The following AFG2A variants were observed in gnomAD, a reference collection of about 807,000 sequenced individuals.
The protein encoded by AFG2A is AAA ATPase AFG2A.
the AFG2A span, among the ~76,000 whole-genome samples, chr4:122,926,134 T>A: frequency 6.6e-6 from 1 of 152,206 alleles, no homozygotes; most frequent in Admixed American, 6.5e-5. Context: ...TGGCTGGGAA[T>A]TTGAACATGA....
At chr4:123,317,487 G>A in the AFG2A span, 2 of 152,206 alleles carry the variant, frequency 1.3e-5, no homozygotes. Context: ...GATGTGATGG[G>A]TGGGGCCTCA....
chr4:122,977,244 A>G, the AFG2A span, among the ~76,000 whole-genome samples: 3 of 152,232 alleles, frequency 2.0e-5, no homozygotes, highest in Admixed American at 1.3e-4. Context: ...CACTTGGTCC[A>G]GCAGGCTGTA....
the AFG2A span, chr4:123,315,183 A>C: frequency 1.3e-5 from 1 of 76,600 alleles, no homozygotes; most frequent in African/African-American, 3.1e-5. Flanking sequence ...GCCAAATTGT[A>C]CTTTTTTTTT....
the AFG2A span, chr4:123,256,166 T>C: frequency 6.2e-7 from 1 of 1,614,082 alleles, no homozygotes; most frequent in Admixed American, 1.7e-5. Flanking sequence ...AACCGACGCA[T>C]ACTCAGGAGC....
chr4:122,998,557 C>T, the AFG2A span, among the ~76,000 whole-genome samples: 9 of 151,684 alleles, frequency 5.9e-5, no homozygotes, highest in African/African-American at 1.7e-4. Flanking sequence ...TGAGAACATG[C>T]GGTGTTTGGT....
the AFG2A span, among the ~76,000 whole-genome samples, chr4:122,999,321 C>G: frequency 6.6e-6 from 1 of 152,132 alleles, no homozygotes; most frequent in African/African-American, 2.4e-5. Flanking sequence ...AATTAGATCC[C>G]ATTTGTCAAT....
the AFG2A span, among the ~76,000 whole-genome samples, chr4:123,174,721 A>G: frequency 6.6e-6 from 1 of 152,084 alleles, no homozygotes; most frequent in Non-Finnish European, 1.5e-5. Context: ...CACATCACAT[A>G]CCATGTGAAC....
At chr4:122,968,741 A>G in the AFG2A span, among the ~76,000 whole-genome samples, 1 of 152,178 alleles carries the variant, frequency 6.6e-6, no homozygotes, top group Non-Finnish European at 1.5e-5. Flanking sequence ...AATACTGCCA[A>G]AACGTTTTTG....
chr4:123,164,682 C>T, the AFG2A span, among the ~76,000 whole-genome samples: 43 of 152,158 alleles, frequency 2.8e-4, no homozygotes, highest in African/African-American at 1.0e-3. Context: ...TAATTGAAGT[C>T]TCTATGCCAA....
chr4:123,291,376 A>G, the AFG2A span, among the ~76,000 whole-genome samples: 1 of 152,052 alleles, frequency 6.6e-6, no homozygotes, highest in South Asian at 2.1e-4. Context: ...ATTGTTATCT[A>G]GTTGTTTTGT....
the AFG2A span, among the ~76,000 whole-genome samples, chr4:123,053,677 A>G: frequency 1.3e-5 from 2 of 152,102 alleles, no homozygotes; most frequent in East Asian, 1.9e-4. Context: ...AGGTCCGTAC[A>G]TAGATGGGAT....
chr4:123,111,302 A>AT, the AFG2A span, among the ~76,000 whole-genome samples: 1 of 152,102 alleles, frequency 6.6e-6, no homozygotes, highest in Non-Finnish European at 1.5e-5. Context: ...AGAGTTTTAT[A>AT]TTTTCTGAGT....
At chr4:123,219,732 G>A in the AFG2A span, among the ~76,000 whole-genome samples, 1 of 152,036 alleles carries the variant, frequency 6.6e-6, no homozygotes, top group African/African-American at 2.4e-5. Context: ...AATTTTACTT[G>A]TGCATGTGTA....
the AFG2A span, among the ~76,000 whole-genome samples, chr4:123,167,598 CG>C: frequency 6.6e-6 from 1 of 152,162 alleles, no homozygotes; most frequent in African/African-American, 2.4e-5. Context: ...CCACCCACCT[CG>C]GCCTCCCAAA....
At chr4:122,945,547 C>T in the AFG2A span, among the ~76,000 whole-genome samples, 1 of 152,228 alleles carries the variant, frequency 6.6e-6, no homozygotes, top group Non-Finnish European at 1.5e-5. Context: ...TGCTGTCTGT[C>T]ACCCCTTTCC....
chr4:122,946,339 T>A, the AFG2A span, among the ~76,000 whole-genome samples: 1 of 152,260 alleles, frequency 6.6e-6, no homozygotes, highest in Non-Finnish European at 1.5e-5. Context: ...ATAAGCCTGT[T>A]GTGGATTAGT....
chr4:122,972,565 G>C, the AFG2A span, among the ~76,000 whole-genome samples: 1 of 146,930 alleles, frequency 6.8e-6, no homozygotes, highest in Non-Finnish European at 1.5e-5. Flanking sequence ...TCTACATTAA[G>C]CCTACCAGTG....
At chr4:123,025,623 C>A in the AFG2A span, among the ~76,000 whole-genome samples, 18 of 151,978 alleles carry the variant, frequency 1.2e-4, 1 homozygote, top group Admixed American at 6.5e-4. Flanking sequence ...GCATAGGAAA[C>A]AATCTACCTC....
At chr4:122,937,882 C>T in the AFG2A span, among the ~76,000 whole-genome samples, 1 of 152,124 alleles carries the variant, frequency 6.6e-6, no homozygotes, top group African/African-American at 2.4e-5. Flanking sequence ...ATCTTTTAAG[C>T]AGCATACTCT....
Sources: allele counts gnomAD v4.1 joint callset (sites outside exome capture counted in the v4.1 genomes callset), GRCh38; gene constraint gnomAD v4.1.1; transcripts MANE v1.5; gene names NCBI Gene and HGNC (gene_info 2026-07-23, HGNC 2026-07-21).